Variants in PLPPR5 observed in about 807,000 individuals in gnomAD.
PLPPR5 encodes the protein phospholipid phosphatase related 5.
A neutral mutation model predicts 33.9 loss-of-function variants in PLPPR5; 16 were observed. The observed-to-expected ratio is 0.47, with a 90% CI of 0.32 to 0.72. The LOEUF (loss-of-function observed/expected upper bound fraction) is 0.72. PLPPR5 is among the 30% of genes least tolerant of loss of function. The probability of loss-of-function intolerance (pLI) is 0.03; values close to 1 mark genes in which losing one functional copy is unlikely to be tolerated. For synonymous variants in PLPPR5, 163 were observed against 150.3 expected, an observed-to-expected ratio of 1.08 and a Z score of -0.62; for missense variants, 301 against 406.7, an observed-to-expected ratio of 0.74 and a Z score of 2.23.
chr1:98,914,635 G>A (rs1488644595), intron 5 of PLPPR5, 151 bp downstream of exon 5: 3 of 655,282 alleles, frequency 4.6e-6, no homozygotes, highest in Non-Finnish European at 4.7e-6. Flanking sequence ...ATTTTTCTAT[G>A]ATTATCTCTT....
rs1013693516 is a variant in PLPPR5, at chr1:98,892,771, A to C, written c.*301T>G. 3 of 291,340 alleles carry C rather than the reference A, an allele frequency of 1.0e-5. No individual in the cohort carries two copies. Among genetic ancestry groups the C allele is most frequent in the African/African-American group, 4.4e-5 (2 of 44,976 alleles). The allele number at this position is 291,340 out of a possible 1,614,324, so 18.0% of individuals were successfully genotyped here. ...ACATAATTGCAATGATTCTGTGAGA[A>C]ACTAAAGTGAATGTTTTATTTAAGA... On this transcript the variant is annotated 3_prime_UTR_variant, in exon 6 of 6. Coordinates refer to ENST00000263177, the MANE Select transcript of PLPPR5 (RefSeq NM_001037317.2).
chr1:98,902,696 C>T (rs945783568), intron 5 of PLPPR5, among the ~76,000 whole-genome samples: 7 of 152,150 alleles, frequency 4.6e-5, no homozygotes, highest in Admixed American at 6.6e-5. Context: ...GGGAGATGAA[C>T]GGCTGGGATC....
intron 1 of PLPPR5, chr1:99,004,146 T>A: frequency 2.2e-6 from 1 of 452,950 alleles, no homozygotes; most frequent in Non-Finnish European, 3.9e-6. Flanking sequence ...GCAACCCGGA[T>A]CCCCACTCCT....
chr1:98,972,298 A>G lies in PLPPR5; in HGVS notation c.238-15557T>C, dbSNP rs75924402. On this transcript the variant is annotated intron_variant, in intron 1 of 5. Coordinates refer to ENST00000263177, the MANE Select transcript of PLPPR5 (RefSeq NM_001037317.2). ...ATATATATTTGAAATTCTATGAACA[A>G]ATACTTAGACATTGCCTCAAAAAGC... Among the ~76,000 whole-genome samples the G allele has an allele frequency of 7.3e-3, 1,109 of 152,234 alleles. 17 individuals carry two copies. The highest frequency in any genetic ancestry group is 0.025 in the African/African-American group (1,057 of 41,560).
intron 3 of PLPPR5, among the ~76,000 whole-genome samples, chr1:98,934,392 T>C (rs980638350): frequency 6.6e-6 from 1 of 152,250 alleles, no homozygotes; most frequent in East Asian, 1.9e-4. Flanking sequence ...ACATATAGTA[T>C]ATAGAAAAAG....
At chr1:98,983,911 T>C (rs1034675306) in intron 1 of PLPPR5, among the ~76,000 whole-genome samples, 9 of 151,996 alleles carry the variant, frequency 5.9e-5, no homozygotes, top group African/African-American at 2.2e-4. Context: ...TGTCTGTTCA[T>C]GTCCTTCGCC....
At chr1:98,929,333 T>C (rs1426809440) in intron 3 of PLPPR5, among the ~76,000 whole-genome samples, 1 of 152,244 alleles carries the variant, frequency 6.6e-6, no homozygotes, top group Non-Finnish European at 1.5e-5. Flanking sequence ...GGATTAAAAC[T>C]ATACATGTGT....
intron 1 of PLPPR5, among the ~76,000 whole-genome samples, chr1:98,966,342 G>A (rs1344507931): frequency 3.3e-5 from 5 of 152,132 alleles, no homozygotes; most frequent in African/African-American, 1.2e-4. Flanking sequence ...TGTCCTGAGA[G>A]GAAAATTTGG....
rs143934189 is a variant in PLPPR5 at position 98,985,367 on chromosome 1, T to C, written c.237+19068A>G. Among the ~76,000 whole-genome samples, 225 of 152,188 alleles carry C rather than the reference T, an allele frequency of 1.5e-3. 4 individuals carry two copies. The highest frequency in any genetic ancestry group is 5.1e-3 in the African/African-American group (212 of 41,550). ...GTGCTGCATAATAACATTGTGGTCATTGATTGACTACACAGATGACTGCGG... is the reference window on the plus strand; with the variant it reads ...GTGCTGCATAATAACATTGTGGTCACTGATTGACTACACAGATGACTGCGG... On this transcript the variant is annotated intron_variant, in intron 1 of 5. Coordinates refer to ENST00000263177, the MANE Select transcript of PLPPR5 (RefSeq NM_001037317.2).
At chr1:98,926,611 A>C (rs1649774358) in intron 3 of PLPPR5, among the ~76,000 whole-genome samples, 1 of 152,078 alleles carries the variant, frequency 6.6e-6, no homozygotes, top group African/African-American at 2.4e-5. Flanking sequence ...TGGGCTCCTG[A>C]AATTGTTCAA....
intron 1 of PLPPR5, among the ~76,000 whole-genome samples, chr1:98,966,287 G>A (rs1233239855): frequency 1.2e-4 from 18 of 152,132 alleles, no homozygotes; most frequent in Non-Finnish European, 7.4e-5. Flanking sequence ...AAAAATGAAT[G>A]CTAGCTGAGT....
intron 1 of PLPPR5, among the ~76,000 whole-genome samples, chr1:98,965,027 G>T (rs1281171720): frequency 6.8e-6 from 1 of 146,588 alleles, no homozygotes; most frequent in Non-Finnish European, 1.5e-5. Flanking sequence ...TGCCCAGGCT[G>T]GTCTTGAATT....
intron 2 of PLPPR5, among the ~76,000 whole-genome samples, chr1:98,954,888 G>A (rs1211283636): frequency 1.3e-5 from 2 of 152,010 alleles, no homozygotes; most frequent in African/African-American, 2.4e-5. Context: ...TTGGTGTAAC[G>A]GGTTTTCCTG....
At chr1:98,979,670 G>A (rs1025859016) in intron 1 of PLPPR5, among the ~76,000 whole-genome samples, 30 of 152,142 alleles carry the variant, frequency 2.0e-4, no homozygotes, top group African/African-American at 6.5e-4. Context: ...TCCTGCGATG[G>A]ATTTCTGGCC....
At chr1:98,935,406 G>C (rs1224510598) in intron 3 of PLPPR5, among the ~76,000 whole-genome samples, 2 of 152,166 alleles carry the variant, frequency 1.3e-5, no homozygotes, top group African/African-American at 2.4e-5. Context: ...TGGGAGAGGA[G>C]AGCAGTTTTA....
At position 98,953,133 on chromosome 1, in the gene PLPPR5, T is replaced by C; in HGVS notation, c.558A>G (p.Arg186=). 6.2e-7 allele frequency: 1 copy of C among 1,614,104 alleles called. No homozygotes were observed. The highest frequency in any genetic ancestry group is 8.5e-7 in the Non-Finnish European group (1 of 1,180,014). The part of the protein sequence containing the change: ...ACTGNPDLIM[R]ARKTFPSKEA... ...CTTTGGATGGAAAGGTTTTTCGGGC[T>C]CTCATGATGAGATCTGGGTTGCCAG... is the stretch of plus-strand genomic sequence containing the variant. The change falls in exon 3 of 6, where the codon AGA becomes AGG. Residue 186 remains arginine, a synonymous_variant. Transcript: ENST00000263177.
At chr1:98,927,633 T>C (rs1649816348) in intron 3 of PLPPR5, among the ~76,000 whole-genome samples, 1 of 152,196 alleles carries the variant, frequency 6.6e-6, no homozygotes, top group Non-Finnish European at 1.5e-5. Context: ...GTTCTCCCAG[T>C]TTCAAGCCAG....
intron 3 of PLPPR5, among the ~76,000 whole-genome samples, chr1:98,949,343 T>G (rs2101205751): frequency 6.6e-6 from 1 of 152,204 alleles, no homozygotes; most frequent in Admixed American, 6.5e-5. Context: ...CACCAAAGCC[T>G]TAATTAAAGT....
intron 5 of PLPPR5, among the ~76,000 whole-genome samples, chr1:98,894,394 A>G (rs952700908): frequency 1.2e-4 from 18 of 152,088 alleles, no homozygotes; most frequent in Non-Finnish European, 2.6e-4. Context: ...AATTAAAACA[A>G]TAAGAACTGT....
Sources: allele counts gnomAD v4.1 joint callset (sites outside exome capture counted in the v4.1 genomes callset), GRCh38; gene constraint gnomAD v4.1.1; transcripts MANE v1.5; gene names NCBI Gene and HGNC (gene_info 2026-07-23, HGNC 2026-07-21).